Variants in DLGAP3 observed in about 807,000 individuals in gnomAD.
DLGAP3 encodes the protein disks large-associated protein 3.
Under a neutral mutation model 81.2 loss-of-function variants are expected in DLGAP3, and 17 were observed. The ratio of observed to expected loss-of-function variants is 0.21; its 90% confidence interval spans 0.14 to 0.31. The LOEUF (loss-of-function observed/expected upper bound fraction) is 0.31, where lower values mean the gene tolerates loss of function less well. DLGAP3 is among the 10% of genes least tolerant of loss of function. The pLI is 1.00. For synonymous variants in DLGAP3, 577 were observed against 587.4 expected (o/e 0.98, Z 0.26); for missense variants, 1,124 against 1,388.0 (o/e 0.81, Z 3.02).
In DLGAP3 at chr1:34,900,256, C is replaced by G; in HGVS notation, c.1125G>C (p.Trp375Cys). The part of the protein sequence containing the change: ...YHYLQVPQDD[W>C]GGYPTGGKDG... Reference sequence around the variant, plus strand: ...CCTTGCCACCGGTGGGGTAACCCCCCCAGTCATCTTGCGGCACCTGCAGGA... The same window carrying G: ...CCTTGCCACCGGTGGGGTAACCCCCGCAGTCATCTTGCGGCACCTGCAGGA... The change falls in exon 4 of 12, where the codon TGG becomes TGC. Residue 375 changes from tryptophan (W) to cysteine (C), a missense_variant. Physicochemically the swap from Trp to Cys is radical, Grantham distance 215. Transcript: ENST00000373347. The surrounding 1 kb of genome is among the most constrained non-coding windows in gnomAD (Gnocchi z 5.6). The G allele has an allele frequency of 6.2e-7, 1 of 1,614,046 alleles. No homozygotes were observed. Among genetic ancestry groups the G allele is most frequent in the East Asian group, 2.2e-5 (1 of 44,882 alleles).
chr1:34,901,935 G>T (rs1639466424), intron 3 of DLGAP3, among the ~76,000 whole-genome samples: 1 of 152,180 alleles, frequency 6.6e-6, no homozygotes, highest in Non-Finnish European at 1.5e-5. Context: ...CCTCAGAAGG[G>T]AGAACAGTTC....
At chr1:34,917,353 T>TC (rs1639733891) in intron 1 of DLGAP3, among the ~76,000 whole-genome samples, 1 of 150,386 alleles carries the variant, frequency 6.6e-6, no homozygotes, top group African/African-American at 2.4e-5. Flanking sequence ...TTCCTTTTTT[T>TC]TTTTTTTTTT....
At chr1:34,899,558 C>T in intron 5 of DLGAP3, 111 bp downstream of exon 5, 1 of 987,556 alleles carries the variant, frequency 1.0e-6, no homozygotes, top group Non-Finnish European at 1.6e-6. Flanking sequence ...TCCCCAGAGC[C>T]AGGCCTGAGC....
Position 34,866,015 on chromosome 1 carries a change from C to T in DLGAP3, c.*68G>A. 1 of 1,398,500 alleles carries T rather than the reference C, an allele frequency of 7.2e-7. No homozygotes were observed. Among genetic ancestry groups the T allele is most frequent in the Non-Finnish European group, 9.8e-7 (1 of 1,023,790 alleles). 86.6% of individuals were successfully genotyped at this position (1,398,500 alleles called of 1,614,324 possible). ...CGGGGCGGCCCGCGTTCACAGTGAC[C>T]TCGACGCTGGGTGTACAGTACGGGT... On this transcript the variant is annotated 3_prime_UTR_variant, in exon 12 of 12. Transcript: ENST00000373347.
At chr1:34,866,736 G>T (rs903376432) in intron 11 of DLGAP3, among the ~76,000 whole-genome samples, 6 of 152,048 alleles carry the variant, frequency 3.9e-5, no homozygotes, top group Non-Finnish European at 7.4e-5. Context: ...AGGACAGTCT[G>T]TCCTTCCGTA....
In DLGAP3 at chr1:34,873,442, C is replaced by T. The variant is rs529142148; in HGVS notation, c.2001-4353G>A. Among the ~76,000 whole-genome samples, 1 of 152,214 alleles carries T rather than the reference C, an allele frequency of 6.6e-6. No homozygotes were observed. The highest frequency in any genetic ancestry group is 1.9e-4 in the East Asian group (1 of 5,186). ...CCGGGTCCAAAACCCAGCTCGGTGG[C>T]TTGTGCCTCATTTTCCCATCTGTAA... is the stretch of plus-strand genomic sequence containing the variant. On this transcript the variant is annotated intron_variant, in intron 8 of 11. Transcript: ENST00000373347. The surrounding 1 kb of genome is among the most constrained non-coding windows in gnomAD (Gnocchi z 4.2).
intron 5 of DLGAP3, among the ~76,000 whole-genome samples, chr1:34,890,411 C>A (rs1170073113): frequency 6.6e-6 from 1 of 152,208 alleles, no homozygotes; most frequent in South Asian, 2.1e-4. Context: ...GGAACTCACA[C>A]CCTTGTGTAA....
rs1569589891 is a variant in DLGAP3, at chr1:34,868,109, G to A, written c.2486-482C>T. The stretch of plus-strand genomic sequence containing the variant: ...CTCAGAGATTCTGGGGTAAGACTGT[G>A]TCTCCCAGTGGATCTGACTTACAGG... On this transcript the variant is annotated intron_variant, in intron 9 of 11. Coordinates refer to ENST00000373347, the MANE Select transcript of DLGAP3 (RefSeq NM_001080418.3). This position sits in a 1 kb window ranked among gnomAD's most constrained non-coding sequence, Gnocchi z 7.5. 6.6e-6 allele frequency among the ~76,000 whole-genome samples: 1 copy of A among 152,188 alleles called. No homozygotes were observed. The highest frequency in any genetic ancestry group is 1.9e-4 in the East Asian group (1 of 5,196).
chr1:34,907,598 G>T (rs979435688), intron 1 of DLGAP3, among the ~76,000 whole-genome samples, 161 bp from the exon 2 acceptor site: 1 of 152,210 alleles, frequency 6.6e-6, no homozygotes, highest in African/African-American at 2.4e-5. Context: ...CCAGGGAAAT[G>T]AGGTTGGCTT....
At chr1:34,927,000 C>A (rs1019520271) in intron 1 of DLGAP3, among the ~76,000 whole-genome samples, 13 of 152,152 alleles carry the variant, frequency 8.5e-5, no homozygotes, top group Non-Finnish European at 1.9e-4. Flanking sequence ...AGGTGTCAGG[C>A]AGCCGCTGAA....
chr1:34,894,485 T>A (rs1161250307), intron 5 of DLGAP3, among the ~76,000 whole-genome samples: 1 of 151,938 alleles, frequency 6.6e-6, no homozygotes, highest in Admixed American at 6.6e-5. Context: ...CAAAGCAAGA[T>A]CTCAACAGCA....
At chr1:34,893,383 T>C (rs1639343839) in intron 5 of DLGAP3, among the ~76,000 whole-genome samples, 2 of 152,216 alleles carry the variant, frequency 1.3e-5, no homozygotes, top group African/African-American at 4.8e-5. Flanking sequence ...GAAGCACTAA[T>C]GGAAGTCCTT....
rs372876020 is a variant in DLGAP3 at position 34,916,967 on chromosome 1, G to T, written c.-134-9530C>A. Among the ~76,000 whole-genome samples the T allele has an allele frequency of 7.2e-4, 110 of 152,220 alleles. No homozygotes were observed. The South Asian group carries it at 0.016, about 23-fold the overall frequency. On this transcript the variant is annotated intron_variant, in intron 1 of 11. Transcript: ENST00000373347. ...CCCGCCTCAGCTTCCCAAAGTGTTGGACTTACAGGCGTGAGCCACCGTGCC... is the reference window on the plus strand; with the variant it reads ...CCCGCCTCAGCTTCCCAAAGTGTTGTACTTACAGGCGTGAGCCACCGTGCC...
Position 34,902,021 on chromosome 1 carries a change from T to C in DLGAP3, c.1108-1748A>G, listed in dbSNP as rs2148410606. 6.6e-6 allele frequency among the ~76,000 whole-genome samples: 1 copy of C among 152,198 alleles called. No homozygotes were observed. Among genetic ancestry groups the C allele is most frequent in the Non-Finnish European group, 1.5e-5 (1 of 67,990 alleles). On this transcript the variant is annotated intron_variant, in intron 3 of 11. Coordinates refer to ENST00000373347, the MANE Select transcript of DLGAP3 (RefSeq NM_001080418.3). This position sits in a 1 kb window ranked among gnomAD's most constrained non-coding sequence, Gnocchi z 4.4. ...CGGCCTGGGATGGGTGGTCCCAGCT[T>C]TTCCTATGAGCCAAGGAAGGGGACG...
intron 8 of DLGAP3, among the ~76,000 whole-genome samples, chr1:34,880,898 C>T (rs539031863): frequency 6.6e-6 from 1 of 152,004 alleles, no homozygotes; most frequent in East Asian, 1.9e-4. Context: ...ACTAAAGAAA[C>T]TGAAGCTGTA....
Position 34,906,016 on chromosome 1 carries a change from T to TTA in DLGAP3, c.-51-584_-51-583dup, listed in dbSNP as rs150603784. On this transcript the variant is annotated intron_variant, in intron 2 of 11. Transcript: ENST00000373347. Reference sequence around the variant, plus strand: ...ACAGAGCGAGACCTGGCCTCTAAATTTATATATATATATATATTTGTTTGT... The same window carrying TTA: ...ACAGAGCGAGACCTGGCCTCTAAATTTATATATATATATATATATTTGTTTGT... Among the ~76,000 whole-genome samples, 77 of 64,810 alleles carry TTA rather than the reference T, an allele frequency of 1.2e-3. 16 individuals carry two copies. Among genetic ancestry groups the TTA allele is most frequent in the Middle Eastern group, 0.014 (2 of 144 alleles). 42.5% of individuals were successfully genotyped at this position (64,810 alleles called of 152,430 possible).
Position 34,869,059 on chromosome 1 carries a change from C to A in DLGAP3, c.2031G>T (p.Val677=), listed in dbSNP as rs767383249. The change falls in exon 9 of 12, where the codon GTG becomes GTT. Residue 677 remains valine, a synonymous_variant. Coordinates refer to ENST00000373347, the MANE Select transcript of DLGAP3 (RefSeq NM_001080418.3). ...CCAGGTCTGCCTGCACGCCAGCCGT[C>A]ACACTATTGGAGCGCTTGAACCTTG... ...RRARFKRSNS[V]TAGVQADLEL... is the part of the protein sequence containing the mutation. The A allele has an allele frequency of 6.3e-7, 1 of 1,598,080 alleles. No individual in the cohort carries two copies. The highest frequency in any genetic ancestry group is 8.5e-7 in the Non-Finnish European group (1 of 1,178,836).
intron 1 of DLGAP3, among the ~76,000 whole-genome samples, chr1:34,922,637 C>T (rs1296845428): frequency 1.3e-5 from 2 of 152,160 alleles, no homozygotes; most frequent in Non-Finnish European, 2.9e-5. Flanking sequence ...CACATCCACA[C>T]TTATACAAAT....
chr1:34,893,647 GGA>G (rs1024980811), intron 5 of DLGAP3, among the ~76,000 whole-genome samples: 3 of 151,958 alleles, frequency 2.0e-5, no homozygotes, highest in Non-Finnish European at 4.4e-5. Context: ...GCAAAAAGGG[GGA>G]AAATGAGTTA....
Sources: gnomAD v4.1 joint callset for allele counts (sites outside exome capture counted in the v4.1 genomes callset) on GRCh38, gnomAD v4.1.1 for gene constraint, Gnocchi (gnomAD v3.1) non-coding constraint, MANE v1.5 for transcripts, NCBI Gene and HGNC (gene_info 2026-07-23, HGNC 2026-07-21) for gene names.